The following DYSF variants were observed in gnomAD, a reference collection of about 807,000 sequenced individuals.
DYSF encodes the protein dystrophy-associated fer-1-like 1.
A neutral mutation model predicts 274.9 loss-of-function variants in DYSF; 212 were observed. That is an observed-to-expected ratio of 0.77 (90% confidence interval 0.69 to 0.86). DYSF has a LOEUF of 0.86. DYSF is among the 40% of genes least tolerant of loss of function. The probability of loss-of-function intolerance (pLI) is 0.00; values close to 1 mark genes in which losing one functional copy is unlikely to be tolerated. For missense variants in DYSF, 2,666 were observed against 2,783.2 expected (o/e 0.96, Z 0.95); for synonymous variants, 1,091 against 1,078.7 (o/e 1.01, Z -0.22).
chr2:71,569,197 G>A (rs1300163742), intron 26 of DYSF, among the ~76,000 whole-genome samples: 4 of 152,300 alleles, frequency 2.6e-5, no homozygotes, highest in African/African-American at 7.2e-5. Flanking sequence ...TTAAGCCTTC[G>A]TTCTGTGTGG....
intron 29 of DYSF, among the ~76,000 whole-genome samples, chr2:71,573,056 T>C (rs1318542636): frequency 6.6e-6 from 1 of 152,210 alleles, no homozygotes; most frequent in African/African-American, 2.4e-5. Context: ...ACCTTCTTGG[T>C]CTATGATCTT....
intron 14 of DYSF, among the ~76,000 whole-genome samples, chr2:71,532,255 A>G (rs544710388): frequency 6.0e-4 from 92 of 152,320 alleles, no homozygotes; most frequent in African/African-American, 2.1e-3. Context: ...GCATACAGGA[A>G]TCTTTGTCCA....
intron 54 of DYSF, 95 bp from the exon 55 acceptor site, chr2:71,682,435 A>G: frequency 1.3e-6 from 2 of 1,514,518 alleles, no homozygotes; most frequent in Non-Finnish European, 1.8e-6. Context: ...TGGACTGTGG[A>G]GGGCCAGGCC....
At chr2:71,624,061 C>G (rs2094159674) in intron 41 of DYSF, among the ~76,000 whole-genome samples, 1 of 121,094 alleles carries the variant, frequency 8.3e-6, no homozygotes, top group African/African-American at 2.9e-5. Context: ...AAAGTGAGAC[C>G]TTGTTGCAAC....
rs761299898 is a variant in DYSF, at chr2:71,569,807, CCCT to C, written c.2865-7_2865-5del. On this transcript the variant is annotated splice_polypyrimidine_tract_variant and intron_variant, in intron 26 of 55. Transcript: ENST00000410020. ...GCAGAGCAGCAGAGACTCTGACCAG[CCCT>C]CCTCCACAGTCTGCTCCATGACATG... The C allele has an allele frequency of 4.2e-5, 68 of 1,609,430 alleles. No homozygotes were observed. Among genetic ancestry groups the C allele is most frequent in the Non-Finnish European group, 5.2e-5 (61 of 1,176,662 alleles).
intron 22 of DYSF, among the ~76,000 whole-genome samples, chr2:71,560,987 C>T (rs1406300773): frequency 6.6e-6 from 1 of 152,168 alleles, no homozygotes; most frequent in Non-Finnish European, 1.5e-5. Context: ...GGGTACCGAC[C>T]CCTGGCCTTG....
At position 71,644,071 on chromosome 2, in the gene DYSF, C is replaced by G; in HGVS notation, c.4626+8C>G. On this transcript the variant is annotated splice_region_variant and intron_variant, in intron 42 of 55. Coordinates refer to ENST00000410020, the MANE Select transcript of DYSF (RefSeq NM_001130987.2). ...GATTTTGACACCCTGAAGGTAAGGC[C>G]TCTCTTCAGTCTGACAGTCGGTGTG... 1 of 1,605,126 alleles carries G rather than the reference C, an allele frequency of 6.2e-7. No individual in the cohort carries two copies. The highest frequency in any genetic ancestry group is 1.1e-5 in the South Asian group (1 of 89,344).
intron 26 of DYSF, among the ~76,000 whole-genome samples, chr2:71,569,169 T>C (rs999592878): frequency 6.6e-6 from 1 of 152,254 alleles, no homozygotes; most frequent in Non-Finnish European, 1.5e-5. Context: ...CCACCGCGCC[T>C]GGCCCAGGCC....
chr2:71,539,077 C>T lies in DYSF; in HGVS notation c.1494-80C>T, dbSNP rs147689590. The T allele has an allele frequency of 5.5e-5, 72 of 1,306,382 alleles. 1 individual carries two copies. In the East Asian group the frequency reaches 1.2e-3, roughly 21 times the overall value. 80.9% of individuals were successfully genotyped at this position (1,306,382 alleles called of 1,614,324 possible). ...CCCCCGCCCCCCTGTGATGTGTAAC[C>T]GAGGCCGCATACTTCCTGGGTGGGC... is the stretch of plus-strand genomic sequence containing the variant. On this transcript the variant is annotated intron_variant, in intron 16 of 55. Coordinates refer to ENST00000410020, the MANE Select transcript of DYSF (RefSeq NM_001130987.2).
At chr2:71,648,420 C>A (rs1431605268) in intron 42 of DYSF, among the ~76,000 whole-genome samples, 4 of 151,322 alleles carry the variant, frequency 2.6e-5, no homozygotes, top group Admixed American at 2.6e-4. Flanking sequence ...AGTAAGCAAA[C>A]GAAAATGGAA....
rs753632964 is a variant in DYSF at position 71,667,508 on chromosome 2, T to G, written c.5450T>G (p.Ile1817Ser). The G allele has an allele frequency of 2.5e-6, 4 of 1,613,944 alleles. No individual in the cohort carries two copies. Among genetic ancestry groups the G allele is most frequent in the Non-Finnish European group, 3.4e-6 (4 of 1,179,996 alleles). Reference sequence around the variant, plus strand: ...CTCTACAGCCCCCTGCAGCCAGACATCGAGCAGGTAGGACCTTGACCCTTG... The same window carrying G: ...CTCTACAGCCCCCTGCAGCCAGACAGCGAGCAGGTAGGACCTTGACCCTTG... The part of the protein sequence containing the change: ...RPLYSPLQPD[I>S]EQGKLQMWVD... Residue 1817 changes from isoleucine to serine, a missense_variant, in exon 48 of 56, where the codon ATC (isoleucine) becomes AGC (serine). By Grantham distance (142) the Ile-to-Ser change is moderately radical. Coordinates refer to ENST00000410020, the MANE Select transcript of DYSF (RefSeq NM_001130987.2).
chr2:71,522,020 G>A lies in DYSF; in HGVS notation c.1149+1116G>A, dbSNP rs780409222. 1.3e-3 allele frequency among the ~76,000 whole-genome samples: 190 copies of A among 150,370 alleles called. 6 individuals are homozygous for A. Among genetic ancestry groups the A allele is most frequent in the Non-Finnish European group, 4.0e-4 (27 of 67,652 alleles). On this transcript the variant is annotated intron_variant, in intron 12 of 55. Coordinates refer to ENST00000410020, the MANE Select transcript of DYSF (RefSeq NM_001130987.2). The stretch of plus-strand genomic sequence containing the variant: ...TTCCCTCCCTTCCTCCGCCCCTCCC[G>A]CTGCATTATCCCACCACCTCCTTGG...
intron 27 of DYSF, 115 bp from the exon 28 acceptor site, chr2:71,570,114 C>A: frequency 8.9e-7 from 1 of 1,121,670 alleles, no homozygotes; most frequent in Non-Finnish European, 1.4e-6. Context: ...CTCTGGGGCT[C>A]TGCCCTTCTG....
At chr2:71,486,966 C>G (rs1364805657) in intron 3 of DYSF, among the ~76,000 whole-genome samples, 1 of 152,180 alleles carries the variant, frequency 6.6e-6, no homozygotes, top group Non-Finnish European at 1.5e-5. Flanking sequence ...CAATTCAGGC[C>G]ACACAATAGA....
intron 30 of DYSF, among the ~76,000 whole-genome samples, chr2:71,579,099 C>T (rs967221723): frequency 6.6e-6 from 1 of 152,172 alleles, no homozygotes; most frequent in Non-Finnish European, 1.5e-5. Context: ...CCACCCCACA[C>T]CCCCTGTGGC....
Position 71,612,724 on chromosome 2 carries a change from G to C in DYSF, c.4305G>C (p.Val1435=). ...GCCAGTTTGGCCGCCGGCCTGTGGT[G>C]GGCCAGTGTACCATCCGCTCCCTGG... The part of the protein sequence containing the change: ...DNRQFGRRPV[V]GQCTIRSLES... The change falls in exon 39 of 56, where the codon GTG becomes GTC. Residue 1435 remains valine (V), a synonymous_variant. Coordinates refer to ENST00000410020, the MANE Select transcript of DYSF (RefSeq NM_001130987.2). 1.2e-6 allele frequency: 2 copies of C among 1,614,168 alleles called. No individual in the cohort carries two copies. The highest frequency in any genetic ancestry group is 1.7e-6 in the Non-Finnish European group (2 of 1,180,020).
rs758231447 is a variant in DYSF, at chr2:71,466,944, C to T, written c.91+11C>T. ...GCCTGACTTTCCGAGGTGAGAGCCC[C>T]GTGGCTGCCGCGCCCATGCTCGGGT... On this transcript the variant is annotated intron_variant, in intron 1 of 55. Transcript: ENST00000410020. 9.7e-6 allele frequency: 15 copies of T among 1,548,454 alleles called. No individual in the cohort carries two copies. The African/African-American group carries it at 2.1e-4, about 21-fold the overall frequency.
intron 8 of DYSF, 96 bp from the exon 9 acceptor site, chr2:71,516,084 T>C: frequency 1.6e-6 from 2 of 1,236,446 alleles, no homozygotes; most frequent in East Asian, 2.3e-5. Flanking sequence ...GGGACTAAAC[T>C]GCTAGGCGTG....
chr2:71,518,255 A>ATT (rs71402988), intron 10 of DYSF, among the ~76,000 whole-genome samples: 10 of 138,842 alleles, frequency 7.2e-5, no homozygotes, highest in Admixed American at 2.9e-4. Context: ...GACCTGTATG[A>ATT]TTTTTTTTTT....
Sources: gnomAD v4.1 joint callset for allele counts (sites outside exome capture counted in the v4.1 genomes callset) on GRCh38, gnomAD v4.1.1 for gene constraint, MANE v1.5 for transcripts, NCBI Gene and HGNC (gene_info 2026-07-23, HGNC 2026-07-21) for gene names.